CLVS1: variants seen among roughly 807,000 people sequenced by gnomAD.
The protein encoded by CLVS1 is clavesin 1.
CLVS1 carries 10 observed loss-of-function variants against 33.1 expected under a neutral mutation model. That is an observed-to-expected ratio of 0.30 (90% CI 0.19 to 0.51). The LOEUF (loss-of-function observed/expected upper bound fraction) is 0.51, where lower values mean the gene tolerates loss of function less well. CLVS1 is among the 20% of genes least tolerant of loss of function. The pLI is 0.97. For missense variants in CLVS1, 343 were observed against 433.4 expected (o/e 0.79, Z 1.85); for synonymous variants, 163 against 166.1 (o/e 0.98, Z 0.14).
chr8:61,384,260 G>C (rs1006452389), intron 3 of CLVS1, among the ~76,000 whole-genome samples: 3 of 152,176 alleles, frequency 2.0e-5, no homozygotes, highest in African/African-American at 4.8e-5. Context: ...TAAGGAGTTT[G>C]TTCTCTTCCT....
At chr8:61,364,870 T>C (rs1813130562) in intron 2 of CLVS1, among the ~76,000 whole-genome samples, 1 of 152,244 alleles carries the variant, frequency 6.6e-6, no homozygotes, top group African/African-American at 2.4e-5. Flanking sequence ...AGATGCTGTA[T>C]ACTTCTAACT....
chr8:61,306,721 C>T, intron 2 of CLVS1, among the ~76,000 whole-genome samples: 1 of 152,194 alleles, frequency 6.6e-6, no homozygotes, highest in East Asian at 1.9e-4. Context: ...TGAGGAACCT[C>T]CATACTGTTC....
chr8:61,365,369 A>G (rs2129600457), intron 2 of CLVS1, among the ~76,000 whole-genome samples: 1 of 152,272 alleles, frequency 6.6e-6, no homozygotes, highest in Middle Eastern at 3.4e-3. Flanking sequence ...TCTACCAAAA[A>G]TATAAAAATT....
intron 1 of CLVS1, among the ~76,000 whole-genome samples, chr8:61,072,232 A>G (rs1426948559): frequency 6.6e-6 from 1 of 152,150 alleles, no homozygotes; most frequent in Non-Finnish European, 1.5e-5. Flanking sequence ...GATTTTCTTG[A>G]GGCCTCTGTC....
At chr8:61,466,643 G>A (rs996781239) in intron 5 of CLVS1, among the ~76,000 whole-genome samples, 2 of 152,066 alleles carry the variant, frequency 1.3e-5, no homozygotes, top group African/African-American at 4.8e-5. Flanking sequence ...AGATATTATT[G>A]TTATTTTATT....
chr8:60,971,222 G>A, the CLVS1 span, among the ~76,000 whole-genome samples: 74 of 151,804 alleles, frequency 4.9e-4, no homozygotes, highest in South Asian at 2.5e-3. Context: ...GACTACATGC[G>A]CCCACCACCA....
At chr8:61,093,811 G>C (rs967922998) in intron 1 of CLVS1, among the ~76,000 whole-genome samples, 1 of 152,198 alleles carries the variant, frequency 6.6e-6, no homozygotes, top group African/African-American at 2.4e-5. Context: ...TGCTTTTTCA[G>C]CAGCTCGCTG....
chr8:61,255,235 G>T (rs773971786), intron 2 of CLVS1, among the ~76,000 whole-genome samples: 19 of 152,320 alleles, frequency 1.2e-4, no homozygotes, highest in Non-Finnish European at 1.9e-4. Context: ...TTGATTTCCA[G>T]AGTGTTGGGG....
chr8:61,150,695 T>G lies in CLVS1; in HGVS notation c.-152+18835T>G, dbSNP rs140608670. ...GGTGTGTGCATGTGTGTTCCTTGCCTAGGTAGCATCCACCCTTTGGTACAT... is the reference window on the plus strand; with the variant it reads ...GGTGTGTGCATGTGTGTTCCTTGCCGAGGTAGCATCCACCCTTTGGTACAT... On this transcript the variant is annotated intron_variant, in intron 2 of 2. Transcript: ENST00000522621. Among the ~76,000 whole-genome samples the G allele has an allele frequency of 4.6e-5, 7 of 152,298 alleles. No individual in the cohort carries two copies. In the East Asian group the frequency reaches 1.4e-3, roughly 29 times the overall value.
intron 2 of CLVS1, among the ~76,000 whole-genome samples, chr8:61,307,331 T>C (rs1277438015): frequency 6.6e-6 from 1 of 151,928 alleles, no homozygotes; most frequent in Non-Finnish European, 1.5e-5. Flanking sequence ...TAAGGATGAG[T>C]TAAGTTAGGG....
chr8:61,008,271 A>G, the CLVS1 span, among the ~76,000 whole-genome samples: 613 of 152,142 alleles, frequency 4.0e-3, 2 homozygotes, highest in Middle Eastern at 0.017. Flanking sequence ...TGGTCACCAC[A>G]CTCATAAGGG....
At chr8:61,384,284 G>A (rs1195800446) in intron 3 of CLVS1, among the ~76,000 whole-genome samples, 2 of 152,178 alleles carry the variant, frequency 1.3e-5, no homozygotes, top group African/African-American at 4.8e-5. Context: ...GACTTAGAGA[G>A]CCACTGGACA....
At chr8:61,050,093 G>C in the CLVS1 span, among the ~76,000 whole-genome samples, 1 of 152,198 alleles carries the variant, frequency 6.6e-6, no homozygotes, top group South Asian at 2.1e-4. Context: ...TAACTCTTTG[G>C]AGTCTGATTT....
At chr8:61,413,543 G>A (rs914964398) in intron 3 of CLVS1, among the ~76,000 whole-genome samples, 2 of 152,220 alleles carry the variant, frequency 1.3e-5, no homozygotes, top group Admixed American at 6.5e-5. Flanking sequence ...CTTACCTACA[G>A]TCCAGTGGTG....
chr8:61,374,185 A>G (rs1019424502), intron 2 of CLVS1, among the ~76,000 whole-genome samples: 1 of 152,200 alleles, frequency 6.6e-6, no homozygotes, highest in Non-Finnish European at 1.5e-5. Context: ...ATAAGTGAAG[A>G]ATTGGTGTCA....
chr8:61,189,398 G>T (rs1001630638), intron 2 of CLVS1, among the ~76,000 whole-genome samples: 1 of 152,108 alleles, frequency 6.6e-6, no homozygotes, highest in Non-Finnish European at 1.5e-5. Flanking sequence ...AGGAACAACC[G>T]GTACCAGCCA....
At chr8:61,116,388 G>T (rs1022033189) in intron 1 of CLVS1, among the ~76,000 whole-genome samples, 8 of 152,272 alleles carry the variant, frequency 5.3e-5, no homozygotes, top group African/African-American at 1.9e-4. Context: ...GATCCCATTT[G>T]TCAATTTTGG....
the CLVS1 span, among the ~76,000 whole-genome samples, chr8:61,042,334 A>G: frequency 6.6e-6 from 1 of 152,234 alleles, no homozygotes; most frequent in Non-Finnish European, 1.5e-5. Context: ...AATATTCTCT[A>G]TCTTCATATT....
At chr8:61,458,994 T>C (rs564332588) in intron 5 of CLVS1, among the ~76,000 whole-genome samples, 1 of 152,322 alleles carries the variant, frequency 6.6e-6, no homozygotes, top group South Asian at 2.1e-4. Context: ...AACAGAGAAG[T>C]ATGCCTCAGG....
Sources: gnomAD v4.1 joint callset for allele counts (sites outside exome capture counted in the v4.1 genomes callset) on GRCh38, gnomAD v4.1.1 for gene constraint, MANE v1.5 for transcripts, NCBI Gene and HGNC (gene_info 2026-07-23, HGNC 2026-07-21) for gene names.